COPS4: variants seen among roughly 807,000 people sequenced by gnomAD.
COPS4 encodes the protein COP9 signalosome subunit 4.
A neutral mutation model predicts 55.1 loss-of-function variants in COPS4; 8 were observed. The ratio of observed to expected loss-of-function variants is 0.15; its 90% CI spans 0.09 to 0.26. The LOEUF (loss-of-function observed/expected upper bound fraction) is 0.26. Ranked by LOEUF, COPS4 falls within the 10% of genes least tolerant of loss-of-function variation. The probability of loss-of-function intolerance (pLI) is 1.00; values close to 1 mark genes in which losing one functional copy is unlikely to be tolerated. For synonymous variants in COPS4, 185 were observed against 165.7 expected (o/e 1.12, Z -0.90); for missense variants, 248 against 484.0 (o/e 0.51, Z 4.58).
intron 4 of COPS4, among the ~76,000 whole-genome samples, chr4:83,055,512 C>T (rs149451916): frequency 0.021 from 3,084 of 150,348 alleles, 62 homozygotes; most frequent in Middle Eastern, 0.045. Context: ...GGCATGATCT[C>T]GGCTTACTGC....
chr4:83,038,908 G>A (rs1464196378), intron 1 of COPS4, among the ~76,000 whole-genome samples: 2 of 152,104 alleles, frequency 1.3e-5, no homozygotes, highest in Non-Finnish European at 1.5e-5. Context: ...CTCCCAAAGT[G>A]CTGGGATTAC....
chr4:83,071,076 T>C (rs1731418261), intron 9 of COPS4, among the ~76,000 whole-genome samples: 1 of 152,248 alleles, frequency 6.6e-6, no homozygotes, highest in African/African-American at 2.4e-5. Context: ...AGATTAGATA[T>C]GGCTTTAAAT....
At chr4:83,036,511 T>A (rs1730422649) in intron 1 of COPS4, among the ~76,000 whole-genome samples, 2 of 152,212 alleles carry the variant, frequency 1.3e-5, no homozygotes, top group South Asian at 2.1e-4. Flanking sequence ...AACTACTTTG[T>A]GCTGCATTTT....
At chr4:83,038,023 A>G (rs1578700303) in intron 1 of COPS4, among the ~76,000 whole-genome samples, 2 of 152,342 alleles carry the variant, frequency 1.3e-5, no homozygotes, top group East Asian at 3.9e-4. Context: ...GAGGAAAAGC[A>G]TTTCCTCCAT....
intron 6 of COPS4, among the ~76,000 whole-genome samples, chr4:83,061,501 C>T (rs892372489): frequency 6.6e-6 from 1 of 152,012 alleles, no homozygotes; most frequent in African/African-American, 2.4e-5. Context: ...TGTATTTGTA[C>T]TTTCTTCATT....
rs925821561 is a variant in COPS4 at position 83,035,414 on chromosome 4, A to G, written c.74+116A>G. The G allele has an allele frequency of 3.7e-5, 32 of 857,076 alleles. 1 individual carries two copies. Among genetic ancestry groups the G allele is most frequent in the African/African-American group, 3.3e-4 (19 of 58,456 alleles). The allele number at this position is 857,076 out of a possible 1,614,324, so 53.1% of individuals were successfully genotyped here. A position where few individuals can be genotyped will look rare whatever the true frequency, so the allele number is the denominator to read the frequency against. On this transcript the variant is annotated intron_variant, in intron 1 of 9. Coordinates refer to ENST00000264389, the MANE Select transcript of COPS4 (RefSeq NM_016129.3). Reference sequence around the variant, plus strand: ...GAAGCTAGGAGCCGGCCTGACGTCCAAGGGGGCGGGCCTGAGGTCGGCTGG... The same window carrying G: ...GAAGCTAGGAGCCGGCCTGACGTCCGAGGGGGCGGGCCTGAGGTCGGCTGG...
chr4:83,045,677 A>T lies in COPS4; in HGVS notation c.126A>T (p.Leu42=). 6.2e-7 allele frequency: 1 copy of T among 1,613,070 alleles called. No homozygotes were observed. The highest frequency in any genetic ancestry group is 8.5e-7 in the Non-Finnish European group (1 of 1,179,406). ...KAIQLSGAEQ[L]EALKAFVEAM... ...TTCAGTTATCTGGAGCAGAACAACT[A>T]GAAGCTTTGAAAGCTTTTGTGGAAG... is the stretch of plus-strand genomic sequence containing the variant. The change falls in exon 2 of 10, where the codon CTA becomes CTT. Residue 42 remains leucine, a synonymous_variant. Coordinates refer to ENST00000264389, the MANE Select transcript of COPS4 (RefSeq NM_016129.3).
At chr4:83,052,910 T>C (rs1427451245) in intron 4 of COPS4, among the ~76,000 whole-genome samples, 1 of 152,126 alleles carries the variant, frequency 6.6e-6, no homozygotes, top group Admixed American at 6.5e-5. Context: ...CTTAAGGAAG[T>C]TGAAATCAGA....
chr4:83,062,333 G>A (rs1009708623), intron 6 of COPS4, among the ~76,000 whole-genome samples: 1 of 152,162 alleles, frequency 6.6e-6, no homozygotes, highest in African/African-American at 2.4e-5. Context: ...AATTCTTCAT[G>A]TATGACTGTA....
chr4:83,048,022 TA>T (rs1157191495), intron 2 of COPS4, among the ~76,000 whole-genome samples: 1 of 151,126 alleles, frequency 6.6e-6, no homozygotes, highest in Non-Finnish European at 1.5e-5. Flanking sequence ...ATAATAATAA[TA>T]AAAAAGACTT....
At position 83,075,349 on chromosome 4, in the gene COPS4, A is replaced by G. The variant is rs1384415969; in HGVS notation, c.1140A>G (p.Gln380=). 2.5e-6 allele frequency: 4 copies of G among 1,614,030 alleles called. No homozygotes were observed. The highest frequency in any genetic ancestry group is 3.4e-6 in the Non-Finnish European group (4 of 1,180,026). ...AGCAGATCCAATCACTTTGTTTCCA[A>G]GTGAATAACCTTTTGGAGAAAATTA... ...WDKQIQSLCF[Q]VNNLLEKISQ... is the part of the protein sequence containing the mutation. The change falls in exon 10 of 10, where the codon CAA becomes CAG. Residue 380 remains glutamine, a synonymous_variant. Transcript: ENST00000264389.
intron 4 of COPS4, among the ~76,000 whole-genome samples, chr4:83,055,534 C>T (rs937199069): frequency 6.6e-6 from 1 of 151,894 alleles, no homozygotes; most frequent in Non-Finnish European, 1.5e-5. Flanking sequence ...ACCTCCACCT[C>T]CCGGGTTCAA....
rs114157033 is a variant in COPS4 at position 83,048,025 on chromosome 4, A to T, written c.155-1141A>T. ...CAAAAAAAAAAAATAATAATAATAA[A>T]AAAGACTTGAATAATTTATCTAAGC... is the stretch of plus-strand genomic sequence containing the variant. On this transcript the variant is annotated intron_variant, in intron 2 of 9. Coordinates refer to ENST00000264389, the MANE Select transcript of COPS4 (RefSeq NM_016129.3). Among the ~76,000 whole-genome samples, 1,233 of 152,126 alleles carry T rather than the reference A, an allele frequency of 8.1e-3. 15 individuals are homozygous for T. Among genetic ancestry groups the T allele is most frequent in the African/African-American group, 0.028 (1,144 of 41,480 alleles).
chr4:83,052,662 G>T (rs766882586), intron 4 of COPS4, among the ~76,000 whole-genome samples: 7 of 152,188 alleles, frequency 4.6e-5, no homozygotes, highest in Admixed American at 1.3e-4. Context: ...CCAAGCTGTA[G>T]TGCAGTGGTG....
intron 6 of COPS4, among the ~76,000 whole-genome samples, chr4:83,062,774 A>G (rs562839909): frequency 1.3e-5 from 2 of 152,366 alleles, no homozygotes; most frequent in Middle Eastern, 6.8e-3. Flanking sequence ...AATCAACAAT[A>G]TGTATTAAAT....
At chr4:83,072,021 A>G (rs1459993682) in intron 9 of COPS4, among the ~76,000 whole-genome samples, 2 of 151,566 alleles carry the variant, frequency 1.3e-5, no homozygotes, top group African/African-American at 2.4e-5. Flanking sequence ...CCTGGCTGAT[A>G]ATTTTAACTT....
At chr4:83,047,166 A>G (rs1226212907) in intron 2 of COPS4, among the ~76,000 whole-genome samples, 3 of 152,202 alleles carry the variant, frequency 2.0e-5, no homozygotes, top group Non-Finnish European at 4.4e-5. Flanking sequence ...TAAACTAGCA[A>G]TGGTTTCCAA....
intron 6 of COPS4, among the ~76,000 whole-genome samples, chr4:83,060,770 C>T (rs956292001): frequency 2.6e-5 from 4 of 151,618 alleles, no homozygotes; most frequent in Admixed American, 6.6e-5. Context: ...CACGGTGGCT[C>T]ACGCCTGTAA....
chr4:83,056,723 C>T (rs993386897), intron 4 of COPS4, among the ~76,000 whole-genome samples: 6 of 151,980 alleles, frequency 3.9e-5, no homozygotes, highest in African/African-American at 1.4e-4. Flanking sequence ...GGCGTGAACC[C>T]GGGAGGGGGA....
Sources: gnomAD v4.1 joint callset for allele counts (sites outside exome capture counted in the v4.1 genomes callset) on GRCh38, gnomAD v4.1.1 for gene constraint, MANE v1.5 for transcripts, NCBI Gene and HGNC (gene_info 2026-07-23, HGNC 2026-07-21) for gene names.